IQSEC1: variants seen among roughly 807,000 people sequenced by gnomAD.
The protein encoded by IQSEC1 is IQ motif and SEC7 domain-containing protein 1.
Under a neutral mutation model 91.0 loss-of-function variants are expected in IQSEC1, and 31 were observed. The ratio of observed to expected loss-of-function variants is 0.34; its 90% CI spans 0.26 to 0.46. IQSEC1 has a LOEUF of 0.46. Among genes scored for constraint, IQSEC1 ranks in the 20% least tolerant of loss-of-function variants. The pLI, the probability that IQSEC1 is intolerant of heterozygous loss-of-function variation, is 1.00. For missense variants in IQSEC1, 1,388 were observed against 1,575.6 expected, an observed-to-expected ratio of 0.88 and a Z score of 2.02; for synonymous variants, 699 against 662.6, an observed-to-expected ratio of 1.05 and a Z score of -0.84.
intron 2 of IQSEC1, among the ~76,000 whole-genome samples, chr3:13,128,637 G>A (rs892837053): frequency 4.6e-5 from 7 of 152,068 alleles, no homozygotes; most frequent in African/African-American, 1.7e-4. Flanking sequence ...AGGCCGAGGC[G>A]GGCGGATCAC....
chr3:13,062,811 T>G (rs1440021982), intron 1 of IQSEC1, among the ~76,000 whole-genome samples: 1 of 152,116 alleles, frequency 6.6e-6, no homozygotes, highest in African/African-American at 2.4e-5. Flanking sequence ...TTAAGATGCA[T>G]CACTTCCCTT....
chr3:12,938,363 T>C (rs1698419692), intron 2 of IQSEC1, among the ~76,000 whole-genome samples: 1 of 152,132 alleles, frequency 6.6e-6, no homozygotes, highest in Non-Finnish European at 1.5e-5. Flanking sequence ...TCGAAGGCTG[T>C]GGCCTGCACC....
Position 13,054,069 on chromosome 3 carries a change from C to G in IQSEC1, c.23+18923G>C, listed in dbSNP as rs574835199. 2.1e-3 allele frequency among the ~76,000 whole-genome samples: 324 copies of G among 152,318 alleles called. 1 individual carries two copies. The highest frequency in any genetic ancestry group is 6.8e-3 in the African/African-American group (282 of 41,572). Reference sequence around the variant, plus strand: ...TGTTTCTCGGTCTGGAAGCATTCCTCCCCTCGCCCCATGGAAAGCTGGTGG... The same window carrying G: ...TGTTTCTCGGTCTGGAAGCATTCCTGCCCTCGCCCCATGGAAAGCTGGTGG... On this transcript the variant is annotated intron_variant, in intron 1 of 13. Coordinates refer to ENST00000613206, the MANE Select transcript of IQSEC1 (RefSeq NM_001134382.3).
At chr3:13,045,382 G>A (rs929031241) in intron 1 of IQSEC1, among the ~76,000 whole-genome samples, 23 of 152,198 alleles carry the variant, frequency 1.5e-4, no homozygotes, top group African/African-American at 4.3e-4. Context: ...ACTGCTCAAC[G>A]AGGGATCCTG....
At chr3:12,932,696 G>GT in intron 3 of IQSEC1, among the ~76,000 whole-genome samples, 1 of 152,326 alleles carries the variant, frequency 6.6e-6, no homozygotes, top group South Asian at 2.1e-4. Context: ...GGTGCAGGCA[G>GT]TGAGGCTCAG....
chr3:13,027,574 T>C (rs1703669996), intron 1 of IQSEC1, among the ~76,000 whole-genome samples: 1 of 152,046 alleles, frequency 6.6e-6, no homozygotes. Context: ...ATTCTCAAAG[T>C]GGAACTGGTA....
chr3:13,049,552 G>A (rs1196535349), intron 1 of IQSEC1, among the ~76,000 whole-genome samples: 1 of 152,064 alleles, frequency 6.6e-6, no homozygotes, highest in African/African-American at 2.4e-5. Context: ...CCCCACACAC[G>A]GAACACCATT....
chr3:13,073,086 G>A lies in IQSEC1; in HGVS notation c.-72C>T. ...GAGGCTCAACGTGTTTCCAAGAGGA[G>A]CAGGCGGCTCAGGCAAGAAGTGGAG... On this transcript the variant is annotated 5_prime_UTR_variant, in exon 1 of 14. Transcript: ENST00000613206. 1.9e-6 allele frequency: 3 copies of A among 1,540,100 alleles called. No homozygotes were observed. The highest frequency in any genetic ancestry group is 2.4e-5 in the East Asian group (1 of 40,832).
intron 2 of IQSEC1, among the ~76,000 whole-genome samples, chr3:13,099,326 C>T (rs564687873): frequency 3.3e-5 from 5 of 152,298 alleles, no homozygotes; most frequent in Admixed American, 1.3e-4. Flanking sequence ...AATGAGGTTT[C>T]GGGTGTGCAG....
chr3:13,237,053 G>C (rs889765796), intron 1 of IQSEC1, among the ~76,000 whole-genome samples: 1 of 152,194 alleles, frequency 6.6e-6, no homozygotes, highest in African/African-American at 2.4e-5. Context: ...TGCTGGACAC[G>C]GATCCCAAGG....
chr3:13,109,803 TTA>T (rs1388647017), intron 2 of IQSEC1, among the ~76,000 whole-genome samples: 21 of 146,218 alleles, frequency 1.4e-4, no homozygotes, highest in African/African-American at 5.3e-4. Flanking sequence ...TTTTTTTTTT[TTA>T]AATAAATTAC....
Position 13,094,199 on chromosome 3 carries a change from G to A in IQSEC1, c.303-46677C>T, listed in dbSNP as rs530509142. Among the ~76,000 whole-genome samples the A allele has an allele frequency of 3.3e-5, 5 of 152,326 alleles. No homozygotes were observed. The South Asian group carries it at 8.3e-4, about 25-fold the overall frequency. ...CACCTCGTATCACAGTGGAGAAGCC[G>A]GTGCTGTGGGAGTTCTAGGATGGAA... is the stretch of plus-strand genomic sequence containing the variant. On this transcript the variant is annotated intron_variant, in intron 2 of 15. Transcript: ENST00000648114.
chr3:13,123,192 G>A (rs542418429), intron 2 of IQSEC1, among the ~76,000 whole-genome samples: 5 of 152,340 alleles, frequency 3.3e-5, no homozygotes, highest in East Asian at 3.9e-4. Context: ...GGCTCAACAC[G>A]GAAGGCCTTT....
At chr3:12,949,314 G>C (rs1043833707) in intron 1 of IQSEC1, among the ~76,000 whole-genome samples, 1 of 152,254 alleles carries the variant, frequency 6.6e-6, no homozygotes, top group Admixed American at 6.5e-5. Context: ...CGTGTGGCCA[G>C]AGGGTGGCCA....
chr3:13,045,168 G>T (rs1704448580), intron 1 of IQSEC1, among the ~76,000 whole-genome samples: 1 of 152,254 alleles, frequency 6.6e-6, no homozygotes, highest in African/African-American at 2.4e-5. Context: ...CCACCAGACT[G>T]TTGGGATGCT....
At chr3:13,005,524 G>A (rs1382426289) in intron 1 of IQSEC1, among the ~76,000 whole-genome samples, 1 of 152,232 alleles carries the variant, frequency 6.6e-6, no homozygotes, top group Non-Finnish European at 1.5e-5. Context: ...CAGGCAGGCA[G>A]GAGGCGCCTG....
chr3:13,127,829 G>C (rs376121661), intron 2 of IQSEC1, among the ~76,000 whole-genome samples: 5 of 152,188 alleles, frequency 3.3e-5, no homozygotes, highest in African/African-American at 1.2e-4. Context: ...TCATCTGCAT[G>C]TTTACATATA....
intron 1 of IQSEC1, among the ~76,000 whole-genome samples, chr3:13,174,338 A>T (rs1693676851): frequency 6.6e-6 from 1 of 152,170 alleles, no homozygotes; most frequent in African/African-American, 2.4e-5. Flanking sequence ...CATTGGCTGC[A>T]GACCAAACTC....
intron 1 of IQSEC1, among the ~76,000 whole-genome samples, chr3:13,051,761 C>T (rs191599976): frequency 6.6e-6 from 1 of 152,236 alleles, no homozygotes; most frequent in East Asian, 1.9e-4. Context: ...TTGGAAACCT[C>T]CCTCCCTGCC....
Sources: allele counts gnomAD v4.1 joint callset (sites outside exome capture counted in the v4.1 genomes callset), GRCh38; gene constraint gnomAD v4.1.1; transcripts MANE v1.5; gene names NCBI Gene and HGNC (gene_info 2026-07-23, HGNC 2026-07-21).